STEAP4: variants seen among roughly 807,000 people sequenced by gnomAD.
The protein encoded by STEAP4 is STEAP4 metalloreductase.
Under a neutral mutation model 43.6 loss-of-function variants are expected in STEAP4, and 36 were observed. The observed-to-expected ratio is 0.83, with a 90% CI of 0.63 to 1.09. STEAP4 has a LOEUF of 1.09. Ranked by LOEUF, STEAP4 falls within the 50% of genes least tolerant of loss-of-function variation. The probability of loss-of-function intolerance (pLI) is 0.00; values close to 1 mark genes in which losing one functional copy is unlikely to be tolerated. For missense variants in STEAP4, 495 were observed against 546.5 expected (o/e 0.91, Z 0.94); for synonymous variants, 191 against 196.7 (o/e 0.97, Z 0.24).
At position 88,277,059 on chromosome 7, in the gene STEAP4, C is replaced by G. The variant is rs1036842507; in HGVS notation, c.*2339G>C. On this transcript the variant is annotated 3_prime_UTR_variant, in exon 5 of 5. Coordinates refer to ENST00000380079, the MANE Select transcript of STEAP4 (RefSeq NM_024636.4). The stretch of plus-strand genomic sequence containing the variant: ...TTTAACAAAAAGAGCATGGTTAACT[C>G]CAAAGACTTCTCTAGACCAGCCTGG... The G allele has an allele frequency of 3.3e-5, 5 of 152,122 alleles. No individual in the cohort carries two copies. The highest frequency in any genetic ancestry group is 1.2e-4 in the African/African-American group (5 of 41,412). 9.4% of individuals were successfully genotyped at this position (152,122 alleles called of 1,614,324 possible).
intron 1 of STEAP4, among the ~76,000 whole-genome samples, chr7:88,285,571 T>A (rs1396428489): frequency 1.3e-5 from 2 of 151,950 alleles, no homozygotes; most frequent in African/African-American, 4.8e-5. Flanking sequence ...ATCCCAGCAC[T>A]TTGGGAGGCC....
chr7:88,283,405 A>T (rs78538174), intron 2 of STEAP4: 80,530 of 500,492 alleles, frequency 0.16, 7,388 homozygotes, highest in Non-Finnish European at 0.2. Context: ...CACACTTATA[A>T]AAGACATGGT....
At position 88,273,996 on chromosome 7, in the gene STEAP4, G is replaced by A. The variant is rs1376101983; in HGVS notation, c.*5402C>T. Reference sequence around the variant, plus strand: ...AAAAATGTTTTTAAGAAGAGTTGCAGTGGTTTCGTTCACTTAGTCTATTTT... The same window carrying A: ...AAAAATGTTTTTAAGAAGAGTTGCAATGGTTTCGTTCACTTAGTCTATTTT... On this transcript the variant is annotated 3_prime_UTR_variant, in exon 5 of 5. Transcript: ENST00000380079. 3 of 152,222 alleles carry A rather than the reference G, an allele frequency of 2.0e-5. No individual in the cohort carries two copies. Among genetic ancestry groups the A allele is most frequent in the African/African-American group, 7.2e-5 (3 of 41,468 alleles). The allele number at this position is 152,222 out of a possible 1,614,324, so 9.4% of individuals were successfully genotyped here.
chr7:88,283,067 G>A lies in STEAP4; in HGVS notation c.558C>T (p.Ala186=), dbSNP rs1271254907. The A allele has an allele frequency of 1.2e-6, 2 of 1,613,288 alleles. No individual in the cohort carries two copies. The highest frequency in any genetic ancestry group is 1.7e-6 in the Non-Finnish European group (2 of 1,179,710). ...GCAGGGGGTACTTTTCAATTTCTTT[G>A]GCTGCCATGAGTGATCCTTGATCCA... ...TPMDQGSLMA[A]KEIEKYPLQL... is the part of the protein sequence containing the mutation. The change falls in exon 3 of 5, where the codon GCC becomes GCT. Residue 186 remains alanine (A), a synonymous_variant. Transcript: ENST00000380079.
chr7:88,282,029 A>G (rs764519126), intron 3 of STEAP4: 7 of 152,234 alleles, frequency 4.6e-5, no homozygotes, highest in African/African-American at 1.7e-4. Context: ...AAGGAATTCA[A>G]GTAGGTGTCT....
At chr7:88,280,114 T>C (rs1384420863) in intron 4 of STEAP4, among the ~76,000 whole-genome samples, 1 of 152,230 alleles carries the variant, frequency 6.6e-6, no homozygotes, top group East Asian at 1.9e-4. Context: ...GCTTATTGTT[T>C]ATTTCTGCCT....
intron 1 of STEAP4, among the ~76,000 whole-genome samples, chr7:88,300,472 C>T (rs1016777384): frequency 1.3e-5 from 2 of 152,134 alleles, no homozygotes; most frequent in African/African-American, 4.8e-5. Flanking sequence ...CCCTCCACAT[C>T]CCCTATGCCA....
chr7:88,296,248 C>T (rs1029208498), intron 1 of STEAP4, among the ~76,000 whole-genome samples: 4 of 152,098 alleles, frequency 2.6e-5, no homozygotes, highest in African/African-American at 7.2e-5. Flanking sequence ...AATCATTCTG[C>T]CTCTTTCTCT....
chr7:88,297,851 A>G (rs1180378950), intron 1 of STEAP4, among the ~76,000 whole-genome samples: 2 of 152,208 alleles, frequency 1.3e-5, no homozygotes, highest in Non-Finnish European at 2.9e-5. Context: ...ATTGTGACAG[A>G]AATGCAGTTT....
At chr7:88,305,146 A>T (rs1187748213) in intron 1 of STEAP4, among the ~76,000 whole-genome samples, 1 of 152,174 alleles carries the variant, frequency 6.6e-6, no homozygotes, top group East Asian at 1.9e-4. Flanking sequence ...TGGTTTCTGA[A>T]CAATGTGAAC....
chr7:88,289,087 T>A (rs899024870), intron 1 of STEAP4, among the ~76,000 whole-genome samples: 7 of 152,080 alleles, frequency 4.6e-5, no homozygotes, highest in African/African-American at 1.7e-4. Flanking sequence ...TGTGTATGTG[T>A]GTGTGTTTGT....
Position 88,276,738 on chromosome 7 carries a change from G to C in STEAP4, c.*2660C>G, listed in dbSNP as rs541679380. 2.6e-5 allele frequency: 4 copies of C among 152,912 alleles called. No individual in the cohort carries two copies. Among genetic ancestry groups the C allele is most frequent in the Non-Finnish European group, 4.4e-5 (3 of 68,060 alleles). 9.5% of individuals were successfully genotyped at this position (152,912 alleles called of 1,614,324 possible). ...AATTTCATAGTTTTGGGAGCAGGGA[G>C]GTTGTGGGAAGGACAGAAGGAGAAC... is the stretch of plus-strand genomic sequence containing the variant. On this transcript the variant is annotated 3_prime_UTR_variant, in exon 5 of 5. Coordinates refer to ENST00000380079, the MANE Select transcript of STEAP4 (RefSeq NM_024636.4).
At position 88,279,435 on chromosome 7, in the gene STEAP4, C is replaced by T. The variant is rs1169477805; in HGVS notation, c.1343G>A (p.Arg448Lys). The T allele has an allele frequency of 1.2e-6, 2 of 1,614,090 alleles. No homozygotes were observed. The highest frequency in any genetic ancestry group is 1.7e-6 in the Non-Finnish European group (2 of 1,179,998). Reference sequence around the variant, plus strand: ...GTTCCTTTCCCAGCCCTGGCGGATCCTTGTAAGGGTGTTGTCTACACATGG... The same window carrying T: ...GTTCCTTTCCCAGCCCTGGCGGATCTTTGTAAGGGTGTTGTCTACACATGG... ...IMPCVDNTLT[R>K]IRQGWERNSK... The change falls in exon 5 of 5, where the codon AGG becomes AAG. Residue 448 changes from arginine to lysine, a missense_variant. Physicochemically the swap from Arg to Lys is conservative, Grantham distance 26. Transcript: ENST00000380079.
intron 1 of STEAP4, among the ~76,000 whole-genome samples, chr7:88,285,744 G>A: frequency 8.0e-6 from 1 of 124,756 alleles, no homozygotes; most frequent in East Asian, 2.4e-4. Context: ...GCGACAGAGA[G>A]AGACTTTGTC....
At chr7:88,280,149 T>C (rs6957666) in intron 4 of STEAP4, among the ~76,000 whole-genome samples, 6,775 of 152,308 alleles carry the variant, frequency 0.044, 197 homozygotes, top group Non-Finnish European at 0.068. Flanking sequence ...AAACTGCTAA[T>C]GAGAACATGT....
intron 1 of STEAP4, chr7:88,290,816 T>A (rs1852821511): frequency 6.6e-6 from 1 of 152,236 alleles, no homozygotes. Context: ...CTCAGTTCTA[T>A]CTTGCTAAGG....
intron 1 of STEAP4, among the ~76,000 whole-genome samples, chr7:88,288,400 T>C (rs571434696): frequency 6.6e-6 from 1 of 152,184 alleles, no homozygotes; most frequent in South Asian, 2.1e-4. Flanking sequence ...GAACTCCTGA[T>C]GTCAGGTGAT....
chr7:88,304,537 A>G (rs1248832319), intron 1 of STEAP4, among the ~76,000 whole-genome samples: 2 of 152,154 alleles, frequency 1.3e-5, no homozygotes, highest in African/African-American at 4.8e-5. Context: ...TGCAGGCACT[A>G]GCAAATTACC....
In STEAP4 at chr7:88,282,793, G is replaced by C. The variant is rs776087868; in HGVS notation, c.832C>G (p.Arg278Gly). The change falls in exon 3 of 5, where the codon CGA becomes GGA. Residue 278 changes from arginine to glycine, a missense_variant. By Grantham distance (125) the Arg-to-Gly change is moderately radical. Transcript: ENST00000380079. ...LQLYRGTKYR[R>G]FPDWLDHWML... is the part of the protein sequence containing the mutation. Reference sequence around the variant, plus strand: ...CAGTGGTCAAGCCAGTCTGGGAATCGACGGTATTTTGTGCCTCGGTACAGT... The same window carrying C: ...CAGTGGTCAAGCCAGTCTGGGAATCCACGGTATTTTGTGCCTCGGTACAGT... 3 of 1,614,130 alleles carry C rather than the reference G, an allele frequency of 1.9e-6. No homozygotes were observed. In the African/African-American group the frequency reaches 4.0e-5, roughly 22 times the overall value.
Sources: allele counts gnomAD v4.1 joint callset (sites outside exome capture counted in the v4.1 genomes callset), GRCh38; gene constraint gnomAD v4.1.1; transcripts MANE v1.5; gene names NCBI Gene and HGNC (gene_info 2026-07-23, HGNC 2026-07-21).